MATR3: variants seen among roughly 807,000 people sequenced by gnomAD.
MATR3 encodes the protein matrin-3.
MATR3 carries 4 observed loss-of-function variants against 85.5 expected under a neutral mutation model. That is an observed-to-expected ratio of 0.05 (90% CI 0.02 to 0.11). The LOEUF (loss-of-function observed/expected upper bound fraction) is 0.11. Among genes scored for constraint, MATR3 ranks in the 10% least tolerant of loss-of-function variants. The pLI is 1.00. For missense variants in MATR3, 685 were observed against 1,016.1 expected (o/e 0.67, Z 4.43); for synonymous variants, 336 against 343.1 (o/e 0.98, Z 0.23).
At chr5:139,306,806 C>G (rs1435786753) in intron 1 of MATR3, among the ~76,000 whole-genome samples, 2 of 152,126 alleles carry the variant, frequency 1.3e-5, no homozygotes, top group Non-Finnish European at 2.9e-5. Flanking sequence ...GATAATAGGT[C>G]TCATTTTCCA....
rs762757938 is a variant in MATR3, at chr5:139,330,565, G to T, written c.*1170G>T. The stretch of plus-strand genomic sequence containing the variant: ...TAAAGATCTGAGTTTTAAAAATGTT[G>T]TTGCTGGTGGATTTCTTGTTCCTGT... On this transcript the variant is annotated 3_prime_UTR_variant, in exon 15 of 15. Coordinates refer to ENST00000394805, the MANE Select transcript of MATR3 (RefSeq NM_018834.6). 1 of 454,072 alleles carries T rather than the reference G, an allele frequency of 2.2e-6. No individual in the cohort carries two copies. Among genetic ancestry groups the T allele is most frequent in the Non-Finnish European group, 4.4e-6 (1 of 226,782 alleles). The allele number at this position is 454,072 out of a possible 1,614,324, so 28.1% of individuals were successfully genotyped here.
intron 3 of MATR3, 68 bp from the exon 4 acceptor site, chr5:139,315,611 AATGATCTCTATTTTAGAG>A: frequency 1.2e-6 from 1 of 843,514 alleles, no homozygotes; most frequent in Non-Finnish European, 2.1e-6. Flanking sequence ...TTTACTAATA[AATGATCTCTATTTTAGAG>A]GCCAAACAAG....
At chr5:139,281,300 G>A (rs145295702) in intron 3 of MATR3, among the ~76,000 whole-genome samples, 73 of 151,118 alleles carry the variant, frequency 4.8e-4, no homozygotes, top group Non-Finnish European at 1.0e-3. Flanking sequence ...TCAGCCTCCT[G>A]AGTAGCTAGG....
chr5:139,300,230 T>G (rs1338663134), intron 1 of MATR3, among the ~76,000 whole-genome samples: 1 of 152,090 alleles, frequency 6.6e-6, no homozygotes, highest in Non-Finnish European at 1.5e-5. Context: ...CCAGGTGTGG[T>G]GGTGTGCACC....
Position 139,317,637 on chromosome 5 carries a change from G to A in MATR3, c.1224G>A (p.Gly408=). Residue 408 remains glycine, a synonymous_variant, in exon 7 of 15, where the codon GGG becomes GGA. Transcript: ENST00000394805. ...TTCACATCATGGATTTTCAACGAGG[G>A]AAAAACTTGAGATACCAGCTATTAC... The part of the protein sequence containing the change: ...RVVHIMDFQR[G]KNLRYQLLQL... 6.2e-7 allele frequency: 1 copy of A among 1,611,798 alleles called. No homozygotes were observed.
At chr5:139,295,073 T>TA (rs561476459) in intron 1 of MATR3, 90 of 152,358 alleles carry the variant, frequency 5.9e-4, no homozygotes, top group African/African-American at 2.0e-3. Context: ...GAATAGTCGG[T>TA]AAAATACATT....
chr5:139,314,974 T>C, intron 3 of MATR3: 3 of 444,678 alleles, frequency 6.7e-6, no homozygotes, highest in Non-Finnish European at 1.2e-5. Context: ...ATATTGGTCA[T>C]TATACAAATT....
chr5:139,326,068 ATGT>A (rs1209942482), intron 13 of MATR3, 92 bp from the exon 14 acceptor site: 104 of 1,154,820 alleles, frequency 9.0e-5, no homozygotes, highest in Non-Finnish European at 1.2e-4. Context: ...TCTCAAAAAC[ATGT>A]TGTTTCATTT....
intron 9 of MATR3, among the ~76,000 whole-genome samples, chr5:139,320,646 TTTTTTG>T (rs1407617555): frequency 1.3e-5 from 2 of 152,110 alleles, no homozygotes; most frequent in African/African-American, 4.8e-5. Flanking sequence ...TTGTTTTTCT[TTTTTTG>T]TTTTAAACAC....
intron 1 of MATR3, among the ~76,000 whole-genome samples, chr5:139,296,365 GT>G (rs1424891330): frequency 6.6e-6 from 1 of 152,048 alleles, no homozygotes. Context: ...TCGTTTGATT[GT>G]TTTTTAAACG....
rs1361987333 is a variant in MATR3, at chr5:139,325,556, C to T, written c.2265C>T (p.Asn755=). The change falls in exon 13 of 15, where the codon AAC becomes AAT. Residue 755 remains asparagine, a synonymous_variant. Transcript: ENST00000394805. Reference sequence around the variant, plus strand: ...CTTCTGAGAACGCTGATGATCCCAACAAAGATACAAGTGAAAACGCAGATG... The same window carrying T: ...CTTCTGAGAACGCTGATGATCCCAATAAAGATACAAGTGAAAACGCAGATG... ...AESSENADDP[N]KDTSENADGQ... The T allele has an allele frequency of 2.5e-6, 4 of 1,614,044 alleles. No individual in the cohort carries two copies. The African/African-American group carries it at 5.3e-5, about 22-fold the overall frequency.
chr5:139,308,371 G>C, intron 2 of MATR3, 44 bp downstream of exon 2: 3 of 1,608,360 alleles, frequency 1.9e-6, no homozygotes, highest in Non-Finnish European at 2.6e-6. Context: ...TTACATTGTA[G>C]TGCCTATTTA....
chr5:139,322,978 A>AT lies in MATR3; in HGVS notation c.2148+12dup. 1 of 1,542,624 alleles carries AT rather than the reference A, an allele frequency of 6.5e-7. No individual in the cohort carries two copies. Among genetic ancestry groups the AT allele is most frequent in the Non-Finnish European group, 8.9e-7 (1 of 1,124,894 alleles). On this transcript the variant is annotated intron_variant, in intron 12 of 14. Coordinates refer to ENST00000394805, the MANE Select transcript of MATR3 (RefSeq NM_018834.6). ...AAAAAGCTTAAAAAGGTAAAGAAAG[A>AT]TACATTGATTTGTTTTAATAGAACA... is the stretch of plus-strand genomic sequence containing the variant.
At position 139,307,104 on chromosome 5, in the gene MATR3, T is replaced by C. The variant is rs1374179043; in HGVS notation, c.-177-135T>C. ...ATACATCAGGAATCTGTTTAAGATATGTAATAAATTCCTTGTAAGTTTGAG... is the reference window on the plus strand; with the variant it reads ...ATACATCAGGAATCTGTTTAAGATACGTAATAAATTCCTTGTAAGTTTGAG... On this transcript the variant is annotated intron_variant, in intron 1 of 14. Transcript: ENST00000394805. The surrounding 1 kb of genome is among the most constrained non-coding windows in gnomAD (Gnocchi z 4.4). The C allele has an allele frequency of 3.9e-5, 17 of 439,842 alleles. No homozygotes were observed. Among genetic ancestry groups the C allele is most frequent in the Middle Eastern group, 9.7e-4 (1 of 1,028 alleles). 27.2% of individuals were successfully genotyped at this position (439,842 alleles called of 1,614,324 possible).
chr5:139,283,535 C>T (rs13168342), intron 3 of MATR3: 81,264 of 152,252 alleles, frequency 0.53, 24,359 homozygotes, highest in Non-Finnish European at 0.69. Context: ...TTCCAGGTGC[C>T]GTCATTTAAT....
At chr5:139,278,377 G>A (rs965590475) in intron 2 of MATR3, 4 of 453,868 alleles carry the variant, frequency 8.8e-6, no homozygotes, top group South Asian at 1.6e-5. Context: ...AGGAAATAGT[G>A]GCAGGTGACA....
At chr5:139,282,010 CAAATTT>C (rs1328443346) in intron 3 of MATR3, among the ~76,000 whole-genome samples, 1 of 152,158 alleles carries the variant, frequency 6.6e-6, no homozygotes, top group Non-Finnish European at 1.5e-5. Context: ...ATGCCTCACT[CAAATTT>C]AAACCAGAAA....
intron 2 of MATR3, among the ~76,000 whole-genome samples, chr5:139,308,569 G>T (rs1438335153): frequency 6.6e-6 from 1 of 152,146 alleles, no homozygotes; most frequent in Admixed American, 6.5e-5. Context: ...AGATTATCTT[G>T]TTGGTTTTTG....
chr5:139,290,724 T>G (rs1753846368), upstream of MATR3, among the ~76,000 whole-genome samples: 2 of 152,112 alleles, frequency 1.3e-5, no homozygotes, highest in African/African-American at 4.8e-5. Context: ...GTGCTGGGAT[T>G]ACAGGTGTGA....
Sources: allele counts gnomAD v4.1 joint callset (sites outside exome capture counted in the v4.1 genomes callset), GRCh38; gene constraint gnomAD v4.1.1; non-coding constraint Gnocchi (gnomAD v3.1); transcripts MANE v1.5; gene names NCBI Gene and HGNC (gene_info 2026-07-23, HGNC 2026-07-21).